HNF1B: variants seen among roughly 807,000 people sequenced by gnomAD.
HNF1B encodes HNF1 homeobox B, also known as hepatocyte nuclear factor 1-beta.
HNF1B carries 8 observed loss-of-function variants against 61.7 expected under a neutral mutation model. That is an observed-to-expected ratio of 0.13 (90% confidence interval 0.08 to 0.23). The LOEUF is 0.23. Ranked by LOEUF, HNF1B falls within the 10% of genes least tolerant of loss-of-function variation. HNF1B has a pLI of 1.00. For synonymous variants in HNF1B, 314 were observed against 287.7 expected (o/e 1.09, Z -0.93); for missense variants, 562 against 714.5 (o/e 0.79, Z 2.43).
chr17:37,706,674 A>C (rs1045725462), intron 5 of HNF1B, among the ~76,000 whole-genome samples: 1 of 95,090 alleles, frequency 1.1e-5, no homozygotes. Context: ...AATACCAGTC[A>C]TTAAAAAAAA....
Position 37,687,263 on chromosome 17 carries a change from C to T in HNF1B, c.*109G>A, listed in dbSNP as rs919542770. On this transcript the variant is annotated 3_prime_UTR_variant, in exon 9 of 9. Coordinates refer to ENST00000617811, the MANE Select transcript of HNF1B (RefSeq NM_000458.4). Reference sequence around the variant, plus strand: ...GTCCGTCAGGTAAGCAGGGACCTCTCGCAGGTGCTGGTCAGGTCACTGGGC... The same window carrying T: ...GTCCGTCAGGTAAGCAGGGACCTCTTGCAGGTGCTGGTCAGGTCACTGGGC... 1.1e-5 allele frequency: 18 copies of T among 1,588,238 alleles called. No individual in the cohort carries two copies. Among genetic ancestry groups the T allele is most frequent in the Non-Finnish European group, 1.3e-5 (15 of 1,158,414 alleles).
intron 4 of HNF1B, among the ~76,000 whole-genome samples, chr17:37,727,915 G>T (rs1230822279): frequency 6.6e-6 from 1 of 152,110 alleles, no homozygotes; most frequent in Non-Finnish European, 1.5e-5. Context: ...TTCGGGCCTT[G>T]TTCCCCCCAG....
chr17:37,739,788 A>G (rs2033939055), intron 1 of HNF1B, 149 bp from the exon 2 acceptor site: 2 of 747,076 alleles, frequency 2.7e-6, no homozygotes, highest in Admixed American at 2.0e-5. Flanking sequence ...TGAGGCCAAA[A>G]TGGAAGCTAA....
chr17:37,710,442 T>C (rs540469051), intron 5 of HNF1B, 61 bp downstream of exon 5: 219 of 1,584,568 alleles, frequency 1.4e-4, no homozygotes, highest in African/African-American at 1.2e-3. Context: ...TGTGAGAAGT[T>C]GTGTTTGTTT....
At chr17:37,740,639 A>G (rs2033966180) in intron 1 of HNF1B, among the ~76,000 whole-genome samples, 1 of 151,794 alleles carries the variant, frequency 6.6e-6, no homozygotes, top group African/African-American at 2.4e-5. Flanking sequence ...AAGTAGTTAA[A>G]AAAAAAAAAA....
intron 4 of HNF1B, among the ~76,000 whole-genome samples, chr17:37,723,113 G>A (rs112362780): frequency 0.017 from 2,556 of 152,092 alleles, 92 homozygotes; most frequent in African/African-American, 0.058. Context: ...GCCGAGGCGG[G>A]CAGATCACGA....
At chr17:37,716,753 G>A (rs780802693) in intron 4 of HNF1B, among the ~76,000 whole-genome samples, 2 of 151,962 alleles carry the variant, frequency 1.3e-5, no homozygotes, top group African/African-American at 2.4e-5. Flanking sequence ...AGCCCCTGGC[G>A]ATTTAATTCA....
intron 6 of HNF1B, among the ~76,000 whole-genome samples, chr17:37,702,118 T>G (rs528993848): frequency 1.3e-5 from 2 of 151,820 alleles, no homozygotes; most frequent in African/African-American, 4.8e-5. Context: ...CTTCCTGGGG[T>G]CGATTGTGTT....
At chr17:37,703,926 C>T (rs2032654934) in intron 6 of HNF1B, among the ~76,000 whole-genome samples, 1 of 152,084 alleles carries the variant, frequency 6.6e-6, no homozygotes, top group Non-Finnish European at 1.5e-5. Flanking sequence ...AAGAAAAAGG[C>T]AGAAACAAAA....
At position 37,721,587 on chromosome 17, in the gene HNF1B, C is replaced by CTAAT. The variant is rs528454443; in HGVS notation, c.1045+10007_1045+10008insATTA. Among the ~76,000 whole-genome samples, 33 of 152,208 alleles carry CTAAT rather than the reference C, an allele frequency of 2.2e-4. No homozygotes were observed. The South Asian group carries it at 6.0e-3, about 28-fold the overall frequency. ...GATCTCCTGAATCCTAGTCCAAGGCCCCTCACCCCGGCTGCTTCTCTTTTC... is the reference window on the plus strand; with the variant it reads ...GATCTCCTGAATCCTAGTCCAAGGCCTAATCCTCACCCCGGCTGCTTCTCTTTTC... On this transcript the variant is annotated intron_variant, in intron 4 of 8. Transcript: ENST00000617811.
intron 2 of HNF1B, 94 bp from the exon 3 acceptor site, chr17:37,733,915 A>C (rs2033763211): frequency 7.0e-7 from 1 of 1,438,664 alleles, no homozygotes; most frequent in African/African-American, 1.4e-5. Flanking sequence ...AGACACCTTT[A>C]TTCCCCTCGT....
At chr17:37,708,993 C>G (rs2032843664) in intron 5 of HNF1B, among the ~76,000 whole-genome samples, 1 of 152,156 alleles carries the variant, frequency 6.6e-6, no homozygotes, top group South Asian at 2.1e-4. Flanking sequence ...GGCCTCTGCA[C>G]CCTGTTGCCC....
rs140562402 is a variant in HNF1B, at chr17:37,744,641, C to T, written c.244G>A (p.Asp82Asn). The change falls in exon 1 of 9, where the codon GAC becomes AAC. Residue 82 changes from aspartate (D) to asparagine (N), a missense_variant. Coordinates refer to ENST00000617811, the MANE Select transcript of HNF1B (RefSeq NM_000458.4). ...GGAGGTGTGTCATAGTCGTCGCCGT[C>T]CTCGGAGCCCTCGTCGCCGGACAAG... ...GRLSGDEGSE[D>N]GDDYDTPPIL... The T allele has an allele frequency of 9.4e-4, 1,510 of 1,612,540 alleles. 1 individual carries two copies. The highest frequency in any genetic ancestry group is 1.1e-3 in the Non-Finnish European group (1,345 of 1,180,018).
At chr17:37,732,498 C>A (rs771375880) in intron 3 of HNF1B, among the ~76,000 whole-genome samples, 22 of 152,214 alleles carry the variant, frequency 1.4e-4, no homozygotes, top group Non-Finnish European at 2.8e-4. Context: ...CTCCCTGCTT[C>A]CCAGCCTGAC....
At chr17:37,744,195 G>A (rs543298866) in intron 1 of HNF1B, among the ~76,000 whole-genome samples, 2 of 152,360 alleles carry the variant, frequency 1.3e-5, no homozygotes, top group East Asian at 1.9e-4. Context: ...GGAAGTCGCA[G>A]CGGTTTCACT....
At chr17:37,701,923 G>A (rs975862905) in intron 6 of HNF1B, among the ~76,000 whole-genome samples, 5 of 152,212 alleles carry the variant, frequency 3.3e-5, no homozygotes, top group Non-Finnish European at 7.4e-5. Flanking sequence ...TTCTGGAGAT[G>A]TCAGGGCCTC....
intron 2 of HNF1B, among the ~76,000 whole-genome samples, chr17:37,738,136 C>G (rs2033888880): frequency 6.6e-6 from 1 of 152,178 alleles, no homozygotes; most frequent in Non-Finnish European, 1.5e-5. Flanking sequence ...TTAGGCTTTC[C>G]AGGAACTACA....
chr17:37,701,662 TC>T (rs34287090), intron 6 of HNF1B, among the ~76,000 whole-genome samples: 1 of 152,012 alleles, frequency 6.6e-6, no homozygotes, highest in African/African-American at 2.4e-5. Flanking sequence ...ACTTCCATAG[TC>T]CCGGGAGTAT....
chr17:37,698,820 C>T (rs2032467860), intron 8 of HNF1B, among the ~76,000 whole-genome samples: 1 of 152,176 alleles, frequency 6.6e-6, no homozygotes, highest in African/African-American at 2.4e-5. Flanking sequence ...TCTATGTCAT[C>T]CAGTCTCCAG....
Sources: gnomAD v4.1 joint callset for allele counts (sites outside exome capture counted in the v4.1 genomes callset) on GRCh38, gnomAD v4.1.1 for gene constraint, MANE v1.5 for transcripts, NCBI Gene and HGNC (gene_info 2026-07-23, HGNC 2026-07-21) for gene names.